MAP4K4: variants seen among roughly 807,000 people sequenced by gnomAD.
MAP4K4 encodes mitogen-activated protein kinase kinase kinase kinase 4.
In MAP4K4, 38 loss-of-function variants were observed where a neutral mutation model predicts 189.6. That is an observed-to-expected ratio of 0.20 (90% CI 0.15 to 0.26). The LOEUF (loss-of-function observed/expected upper bound fraction) is 0.26, where lower values mean the gene tolerates loss of function less well. MAP4K4 is among the 10% of genes least tolerant of loss of function. The pLI is 1.00. For missense variants in MAP4K4, 1,054 were observed against 1,726.9 expected, an observed-to-expected ratio of 0.61 and a Z score of 6.91; for synonymous variants, 610 against 624.3, an observed-to-expected ratio of 0.98 and a Z score of 0.34.
chr2:101,804,709 G>A (rs573045201), intron 3 of MAP4K4, among the ~76,000 whole-genome samples: 17 of 152,230 alleles, frequency 1.1e-4, no homozygotes, highest in African/African-American at 7.2e-5. Context: ...GGGTAGCTGC[G>A]TTTACTTGCC....
rs2098512107 is a variant in MAP4K4, at chr2:101,888,033, CT to C, written c.3931+100del. The C allele has an allele frequency of 5.4e-6, 6 of 1,114,814 alleles. No individual in the cohort carries two copies. The East Asian group carries it at 1.5e-4, about 27-fold the overall frequency. 69.1% of individuals were successfully genotyped at this position (1,114,814 alleles called of 1,614,324 possible). On this transcript the variant is annotated intron_variant, in intron 31 of 32. Coordinates refer to ENST00000324219, the Ensembl canonical transcript of MAP4K4. The stretch of plus-strand genomic sequence containing the variant: ...TGCTGATTTTGTATGTCCTTCAGAC[CT>C]TTTGACTACCATTGAACAGAGTAGT...
chr2:101,869,272 G>A (rs573080417), intron 21 of MAP4K4, among the ~76,000 whole-genome samples: 64 of 152,056 alleles, frequency 4.2e-4, no homozygotes, highest in African/African-American at 1.5e-3. Flanking sequence ...AAGTCCAAGA[G>A]TCTGTGTATA....
At chr2:101,841,908 A>G (rs2096931399) in intron 10 of MAP4K4, among the ~76,000 whole-genome samples, 1 of 152,230 alleles carries the variant, frequency 6.6e-6, no homozygotes, top group Non-Finnish European at 1.5e-5. Context: ...CATTAAGTGA[A>G]GGGACCAATA....
At position 101,748,289 on chromosome 2, in the gene MAP4K4, G is replaced by C. The variant is rs967681682; in HGVS notation, c.124-42431G>C. ...TCCATTTGCACATCTTCAAAAAAGT[G>C]TGTGTGGGTATGTGCCTCTGTGTAT... On this transcript the variant is annotated intron_variant, in intron 2 of 32. Transcript: ENST00000324219. Among the ~76,000 whole-genome samples the C allele has an allele frequency of 3.9e-5, 6 of 152,294 alleles. No homozygotes were observed. The South Asian group carries it at 1.2e-3, about 32-fold the overall frequency.
chr2:101,763,834 T>TA (rs1228871739), intron 2 of MAP4K4, among the ~76,000 whole-genome samples: 8 of 152,088 alleles, frequency 5.3e-5, no homozygotes, highest in Non-Finnish European at 1.0e-4. Context: ...GCCTTTAACT[T>TA]AAAAAGCTCT....
Position 101,731,756 on chromosome 2 carries a change from G to GA in MAP4K4, c.123+33231dup, listed in dbSNP as rs567369821. Among the ~76,000 whole-genome samples the GA allele has an allele frequency of 5.1e-3, 685 of 133,340 alleles. 2 individuals carry two copies. The highest frequency in any genetic ancestry group is 0.013 in the African/African-American group (491 of 36,380). 87.5% of individuals were successfully genotyped at this position (133,340 alleles called of 152,430 possible). On this transcript the variant is annotated intron_variant, in intron 2 of 32. Transcript: ENST00000324219. ...ACAAAGGGAGACCCTGTCTGAAAAG[G>GA]AAAAAAAAAAAAAGATGGAGGGGAG...
At chr2:101,874,154 A>T in exon 26 of MAP4K4, 2 of 1,613,972 alleles carry the variant, frequency 1.2e-6, no homozygotes, top group Non-Finnish European at 1.7e-6. Context: ...TCAGTGGTCA[A>T]TGTGAATCCT....
chr2:101,834,409 A>C, exon 8 of MAP4K4: 1 of 1,605,424 alleles, frequency 6.2e-7, no homozygotes, highest in Non-Finnish European at 8.5e-7. Flanking sequence ...ATTTTTGCAG[A>C]GTGATCTTTG....
At chr2:101,701,936 A>T (rs1038488162) in intron 2 of MAP4K4, among the ~76,000 whole-genome samples, 1 of 151,988 alleles carries the variant, frequency 6.6e-6, no homozygotes, top group Non-Finnish European at 1.5e-5. Flanking sequence ...CACCATCTCT[A>T]CTCACTGTAA....
chr2:101,727,681 G>A (rs2056263216), intron 2 of MAP4K4, among the ~76,000 whole-genome samples: 1 of 152,176 alleles, frequency 6.6e-6, no homozygotes, highest in African/African-American at 2.4e-5. Flanking sequence ...GAAAGAAGGT[G>A]GTAATGGTCG....
At chr2:101,782,267 T>TTATGGCATTAGGTAAA (rs2088020187) in intron 2 of MAP4K4, among the ~76,000 whole-genome samples, 1 of 152,244 alleles carries the variant, frequency 6.6e-6, no homozygotes, top group Non-Finnish European at 1.5e-5. Context: ...AGGTAAAGTC[T>TTATGGCATTAGGTAAA]TACCATATTG....
intron 2 of MAP4K4, among the ~76,000 whole-genome samples, chr2:101,782,442 T>C (rs551659168): frequency 1.3e-5 from 2 of 152,370 alleles, no homozygotes; most frequent in African/African-American, 2.4e-5. Context: ...CACTGTCTTA[T>C]TAATTGGAAA....
chr2:101,723,926 T>C (rs2053708643), intron 2 of MAP4K4, among the ~76,000 whole-genome samples: 1 of 152,174 alleles, frequency 6.6e-6, no homozygotes, highest in Non-Finnish European at 1.5e-5. Context: ...CTGGCCACCA[T>C]TGTTTACTAT....
chr2:101,762,278 A>G (rs1394491155), intron 2 of MAP4K4, among the ~76,000 whole-genome samples: 2 of 152,176 alleles, frequency 1.3e-5, no homozygotes, highest in Non-Finnish European at 2.9e-5. Context: ...AGTCTGGCAA[A>G]TTGCCACACC....
intron 2 of MAP4K4, among the ~76,000 whole-genome samples, chr2:101,708,171 C>A (rs1290475807): frequency 1.3e-5 from 2 of 152,050 alleles, no homozygotes; most frequent in East Asian, 1.9e-4. Flanking sequence ...TATCTTTATT[C>A]TTTTGTTTAC....
rs532061563 is a variant in MAP4K4, at chr2:101,881,324, T to C, written c.3386-1227T>C. On this transcript the variant is annotated intron_variant, in intron 27 of 32. Transcript: ENST00000324219. ...AGGAAAGTGACTCACTTTTATTTTATTAGGCTTGTATCCTGCAACCTTGCT... is the reference window on the plus strand; with the variant it reads ...AGGAAAGTGACTCACTTTTATTTTACTAGGCTTGTATCCTGCAACCTTGCT... Among the ~76,000 whole-genome samples the C allele has an allele frequency of 3.3e-5, 5 of 152,358 alleles. No homozygotes were observed. The South Asian group carries it at 6.2e-4, about 19-fold the overall frequency.
At chr2:101,826,228 C>T (rs1182018687) in intron 5 of MAP4K4, among the ~76,000 whole-genome samples, 3 of 152,052 alleles carry the variant, frequency 2.0e-5, no homozygotes, top group Non-Finnish European at 4.4e-5. Flanking sequence ...AATAAAAAAA[C>T]TTAAAGTAAC....
chr2:101,853,116 G>C (rs1181798021), intron 12 of MAP4K4, among the ~76,000 whole-genome samples: 2 of 152,162 alleles, frequency 1.3e-5, no homozygotes, highest in Admixed American at 6.6e-5. Flanking sequence ...TGATCAGGGT[G>C]AATCATAATC....
intron 2 of MAP4K4, among the ~76,000 whole-genome samples, chr2:101,778,768 A>C (rs1386973805): frequency 6.6e-6 from 1 of 152,114 alleles, no homozygotes; most frequent in Non-Finnish European, 1.5e-5. Context: ...CTTCACCTAC[A>C]GGCTGCTGTT....
Sources: allele counts gnomAD v4.1 joint callset (sites outside exome capture counted in the v4.1 genomes callset), GRCh38; gene constraint gnomAD v4.1.1; transcripts MANE v1.5; gene names NCBI Gene and HGNC (gene_info 2026-07-23, HGNC 2026-07-21).